The following RIMS2 variants were observed in gnomAD, a reference collection of about 807,000 sequenced individuals.
RIMS2 encodes the protein regulating synaptic membrane exocytosis 2.
A neutral mutation model predicts 174.4 loss-of-function variants in RIMS2; 59 were observed. The ratio of observed to expected loss-of-function variants is 0.34; its 90% CI spans 0.27 to 0.42. The LOEUF (loss-of-function observed/expected upper bound fraction) is 0.42. Among genes scored for constraint, RIMS2 ranks in the 10% least tolerant of loss-of-function variants. RIMS2 has a pLI of 1.00. For synonymous variants in RIMS2, 606 were observed against 572.5 expected, an observed-to-expected ratio of 1.06 and a Z score of -0.84; for missense variants, 1,620 against 1,666.3, an observed-to-expected ratio of 0.97 and a Z score of 0.48.
intron 19 of RIMS2, among the ~76,000 whole-genome samples, chr8:104,047,970 T>C (rs907048019): frequency 2.0e-5 from 3 of 152,144 alleles, no homozygotes; most frequent in Non-Finnish European, 2.9e-5. Flanking sequence ...TTATTAATCT[T>C]AATAAACTCC....
chr8:103,615,099 C>T (rs1029381636), intron 1 of RIMS2, among the ~76,000 whole-genome samples: 1 of 152,076 alleles, frequency 6.6e-6, no homozygotes, highest in South Asian at 2.1e-4. Flanking sequence ...TTAAAATGTA[C>T]CCTTTACTGC....
intron 1 of RIMS2, among the ~76,000 whole-genome samples, chr8:103,650,611 G>T (rs529147860): frequency 6.6e-6 from 1 of 152,366 alleles, no homozygotes; most frequent in South Asian, 2.1e-4. Flanking sequence ...GCTGGAGTGG[G>T]TGAAGCCCTC....
chr8:103,678,220 T>C (rs1224845246), intron 1 of RIMS2, among the ~76,000 whole-genome samples: 1 of 152,216 alleles, frequency 6.6e-6, no homozygotes, highest in East Asian at 1.9e-4. Context: ...CTCTATCATG[T>C]ATCAAATAAT....
intron 6 of RIMS2, among the ~76,000 whole-genome samples, chr8:103,912,399 T>C (rs2075843821): frequency 6.6e-6 from 1 of 152,132 alleles, no homozygotes; most frequent in South Asian, 2.1e-4. Flanking sequence ...TTGGAAGACA[T>C]TAAAAGTAAC....
intron 1 of RIMS2, among the ~76,000 whole-genome samples, chr8:103,605,716 G>A (rs2095036703): frequency 6.6e-6 from 1 of 152,140 alleles, no homozygotes; most frequent in African/African-American, 2.4e-5. Context: ...ACTTCTTCCT[G>A]GTTTAGTCTT....
chr8:103,721,834 A>G (rs965284807), intron 2 of RIMS2, among the ~76,000 whole-genome samples: 2 of 152,154 alleles, frequency 1.3e-5, no homozygotes, highest in Non-Finnish European at 2.9e-5. Context: ...CAATAGCTAT[A>G]TAGGGTTGGT....
At chr8:103,620,458 C>G (rs1175178284) in intron 1 of RIMS2, among the ~76,000 whole-genome samples, 2 of 151,948 alleles carry the variant, frequency 1.3e-5, no homozygotes, top group Admixed American at 6.6e-5. Flanking sequence ...GCCTAAATTT[C>G]TATGACTACT....
chr8:103,766,505 G>C (rs957995105), exon 3 of RIMS2: 10 of 1,613,328 alleles, frequency 6.2e-6, no homozygotes, highest in Non-Finnish European at 5.1e-6. Flanking sequence ...CAGGCGTGAA[G>C]CATCACATTG....
intron 17 of RIMS2, among the ~76,000 whole-genome samples, chr8:103,995,660 CT>C: frequency 6.6e-6 from 1 of 152,104 alleles, no homozygotes; most frequent in East Asian, 1.9e-4. Context: ...GGAATTTATA[CT>C]TGTTTTTTGA....
At chr8:103,561,166 A>G (rs143824137) in intron 1 of RIMS2, among the ~76,000 whole-genome samples, 4 of 152,288 alleles carry the variant, frequency 2.6e-5, no homozygotes, top group South Asian at 4.1e-4. Flanking sequence ...AAATATATAT[A>G]TATCTTAAGA....
At chr8:103,863,357 T>G (rs1275546620) in intron 3 of RIMS2, among the ~76,000 whole-genome samples, 2 of 152,266 alleles carry the variant, frequency 1.3e-5, no homozygotes, top group Non-Finnish European at 2.9e-5. Context: ...TTTGCTAGTA[T>G]TTTGTTGAAG....
chr8:103,685,281 A>G (rs2096928081), intron 1 of RIMS2, among the ~76,000 whole-genome samples: 1 of 152,106 alleles, frequency 6.6e-6, no homozygotes, highest in Non-Finnish European at 1.5e-5. Context: ...CCCTCCATTC[A>G]TGGTGGAAGG....
intron 2 of RIMS2, among the ~76,000 whole-genome samples, chr8:103,724,004 T>C (rs1318520150): frequency 6.6e-6 from 1 of 152,110 alleles, no homozygotes; most frequent in Non-Finnish European, 1.5e-5. Context: ...GGGGAAGGCC[T>C]GATACTGGGG....
At chr8:103,609,990 GT>G in intron 1 of RIMS2, among the ~76,000 whole-genome samples, 1 of 152,084 alleles carries the variant, frequency 6.6e-6, no homozygotes, top group South Asian at 2.1e-4. Context: ...ATTTGGTTAT[GT>G]CATCTCTGAT....
At chr8:103,565,821 C>A (rs887399846) in intron 1 of RIMS2, among the ~76,000 whole-genome samples, 2 of 152,082 alleles carry the variant, frequency 1.3e-5, no homozygotes, top group Admixed American at 6.5e-5. Flanking sequence ...GTTCTTGACA[C>A]CTTTGCGAGA....
At chr8:103,682,633 A>T (rs1590235797) in intron 1 of RIMS2, among the ~76,000 whole-genome samples, 1 of 152,264 alleles carries the variant, frequency 6.6e-6, no homozygotes, top group African/African-American at 2.4e-5. Context: ...AACGTCAATT[A>T]ACTCCTGAGT....
intron 19 of RIMS2, among the ~76,000 whole-genome samples, chr8:104,039,687 T>C (rs978944024): frequency 5.3e-5 from 8 of 151,750 alleles, no homozygotes; most frequent in Non-Finnish European, 1.2e-4. Context: ...AAATTTTGTG[T>C]ATAAAAACAC....
intron 3 of RIMS2, chr8:103,819,692 A>G: frequency 2.2e-6 from 3 of 1,350,526 alleles, no homozygotes; most frequent in Non-Finnish European, 2.1e-6. Context: ...CTTATATGCC[A>G]GTAAAAATTG....
chr8:103,656,493 A>G (rs1253409452), intron 1 of RIMS2, among the ~76,000 whole-genome samples: 1 of 152,144 alleles, frequency 6.6e-6, no homozygotes, highest in Non-Finnish European at 1.5e-5. Flanking sequence ...TCCTGAGATA[A>G]AAAGACTGTG....
Sources: allele counts gnomAD v4.1 joint callset (sites outside exome capture counted in the v4.1 genomes callset), GRCh38; gene constraint gnomAD v4.1.1; transcripts MANE v1.5; gene names NCBI Gene and HGNC (gene_info 2026-07-23, HGNC 2026-07-21).